KRABD3: variants seen among roughly 807,000 people sequenced by gnomAD.
KRABD3 encodes the protein KRAB domain containing 3.
the KRABD3 span, among the ~76,000 whole-genome samples, chr7:149,716,924 A>G: frequency 6.6e-6 from 1 of 152,172 alleles, no homozygotes; most frequent in African/African-American, 2.4e-5. Context: ...TGATCCCAGT[A>G]TTACAGATGA....
the KRABD3 span, chr7:149,715,043 C>CT: frequency 8.1e-7 from 1 of 1,229,208 alleles, no homozygotes; most frequent in Non-Finnish European, 1.0e-6. Context: ...GGCGGGGAGG[C>CT]TGAGCCCGGG....
chr7:149,733,286 G>A, the KRABD3 span: 2 of 1,612,578 alleles, frequency 1.2e-6, no homozygotes, highest in African/African-American at 2.7e-5. Flanking sequence ...GCCCCCTCCG[G>A]AAGCTGCGCC....
At chr7:149,722,810 A>G in the KRABD3 span, 5 of 1,609,692 alleles carry the variant, frequency 3.1e-6, no homozygotes, top group Non-Finnish European at 4.2e-6. Context: ...AGCCCCTTGC[A>G]AGGCCTCATC....
the KRABD3 span, chr7:149,730,546 G>C: frequency 1.2e-6 from 2 of 1,612,054 alleles, no homozygotes; most frequent in East Asian, 2.2e-5. Flanking sequence ...CAGAGCCCAG[G>C]TACTGCAGCG....
the KRABD3 span, chr7:149,720,218 T>G: frequency 7.1e-7 from 1 of 1,408,648 alleles, no homozygotes; most frequent in South Asian, 1.3e-5. Context: ...CAGTCCAGCC[T>G]CTCACCTCCC....
At chr7:149,723,036 T>A in the KRABD3 span, 1 of 1,193,746 alleles carries the variant, frequency 8.4e-7, no homozygotes, top group Non-Finnish European at 1.1e-6. Flanking sequence ...CCAAACTGTC[T>A]CCCTTAGGGA....
the KRABD3 span, chr7:149,720,151 G>T: frequency 6.4e-7 from 1 of 1,550,730 alleles, no homozygotes; most frequent in Non-Finnish European, 8.7e-7. Flanking sequence ...CAGACTTTGG[G>T]TGTCTCCTCC....
the KRABD3 span, chr7:149,733,907 G>C: frequency 1.9e-6 from 3 of 1,591,926 alleles, no homozygotes; most frequent in Non-Finnish European, 2.6e-6. Flanking sequence ...AGATGCAGAC[G>C]TGCCGACCTC....
chr7:149,733,748 C>T, the KRABD3 span: 1 of 1,587,096 alleles, frequency 6.3e-7, no homozygotes, highest in Non-Finnish European at 8.6e-7. Context: ...CAGCTCTTCC[C>T]AGCAGCTGCT....
chr7:149,733,675 C>T, the KRABD3 span: 431 of 1,585,848 alleles, frequency 2.7e-4, 1 homozygote, highest in South Asian at 3.8e-4. Context: ...CCAGAGGGAC[C>T]GCTCGCCGGG....
chr7:149,721,745 C>T, the KRABD3 span: 1 of 711,134 alleles, frequency 1.4e-6, no homozygotes, highest in Non-Finnish European at 2.5e-6. Context: ...GATGCTCAGC[C>T]CCTGGGGAGC....
the KRABD3 span, chr7:149,724,594 G>T: frequency 4.6e-6 from 6 of 1,304,484 alleles, no homozygotes; most frequent in South Asian, 1.8e-5. Flanking sequence ...GGCCTCAAGG[G>T]ATTCTCAGGG....
the KRABD3 span, chr7:149,728,551 G>A: frequency 3.7e-6 from 6 of 1,613,702 alleles, no homozygotes; most frequent in Non-Finnish European, 4.2e-6. Context: ...CCCCACTGCA[G>A]GGTCTGGAGA....
At chr7:149,725,274 A>G in the KRABD3 span, 1 of 1,520,936 alleles carries the variant, frequency 6.6e-7, no homozygotes, top group African/African-American at 1.4e-5. Context: ...CAAGGCTGGA[A>G]TGTGTGGGAG....
the KRABD3 span, chr7:149,728,696 C>T: frequency 7.6e-5 from 122 of 1,611,340 alleles, no homozygotes; most frequent in Non-Finnish European, 6.7e-5. Context: ...CTGCCGGGGC[C>T]CTGGGTGTAG....
chr7:149,733,819 G>C, the KRABD3 span: 2 of 1,604,332 alleles, frequency 1.2e-6, no homozygotes, highest in African/African-American at 2.7e-5. Context: ...CACATACCGG[G>C]GGCCACCAGA....
chr7:149,730,058 A>T, the KRABD3 span: 1 of 1,408,454 alleles, frequency 7.1e-7, no homozygotes. Context: ...TGAGCTGAAA[A>T]GGGGACCGGT....
chr7:149,733,578 G>A, the KRABD3 span: 3 of 1,599,452 alleles, frequency 1.9e-6, no homozygotes, highest in South Asian at 3.4e-5. Flanking sequence ...CTGCCCTACT[G>A]GAGGCAGAAG....
the KRABD3 span, chr7:149,724,531 G>A: frequency 1.9e-5 from 12 of 615,710 alleles, no homozygotes; most frequent in South Asian, 3.6e-5. Flanking sequence ...AGTCTGAGCC[G>A]GTGACTGCCG....
Sources: gnomAD v4.1 joint callset for allele counts (sites outside exome capture counted in the v4.1 genomes callset) on GRCh38, gnomAD v4.1.1 for gene constraint, MANE v1.5 for transcripts, NCBI Gene and HGNC (gene_info 2026-07-23, HGNC 2026-07-21) for gene names.